HDAC4: variants seen among roughly 807,000 people sequenced by gnomAD.
The protein encoded by HDAC4 is histone deacetylase A.
HDAC4 carries 16 observed loss-of-function variants against 135.1 expected under a neutral mutation model. The observed-to-expected ratio is 0.12, with a 90% confidence interval of 0.08 to 0.18. The LOEUF (loss-of-function observed/expected upper bound fraction) is 0.18, where lower values mean the gene tolerates loss of function less well. HDAC4 is among the 10% of genes least tolerant of loss of function. The pLI, the probability that HDAC4 is intolerant of heterozygous loss-of-function variation, is 1.00. For synonymous variants in HDAC4, 685 were observed against 653.4 expected (o/e 1.05, Z -0.74); for missense variants, 1,143 against 1,511.8 (o/e 0.76, Z 4.05).
chr2:239,218,226 A>G (rs895528648), intron 3 of HDAC4, among the ~76,000 whole-genome samples: 11 of 152,256 alleles, frequency 7.2e-5, no homozygotes, highest in Non-Finnish European at 1.3e-4. Context: ...AGGACTGAAC[A>G]ATCATTATAT....
At chr2:239,353,028 G>C (rs1347220654) in intron 1 of HDAC4, 110 bp from the exon 2 acceptor site, 1 of 364,352 alleles carries the variant, frequency 2.7e-6, no homozygotes, top group Non-Finnish European at 5.3e-6. Context: ...TTTGGAGACA[G>C]AATCTTGCTC....
intron 12 of HDAC4, among the ~76,000 whole-genome samples, chr2:239,117,722 C>G (rs1400472005): frequency 6.6e-6 from 1 of 152,052 alleles, no homozygotes; most frequent in East Asian, 1.9e-4. Context: ...AGTCCCAGAT[C>G]GAGGGGTCTC....
intron 3 of HDAC4, among the ~76,000 whole-genome samples, chr2:239,192,799 T>G (rs1191705867): frequency 6.6e-6 from 1 of 152,210 alleles, no homozygotes; most frequent in Non-Finnish European, 1.5e-5. Context: ...CACAACTTTG[T>G]TCTTCTAAGT....
chr2:239,190,221 T>G, intron 3 of HDAC4, 144 bp from the exon 4 acceptor site: 1 of 1,146,492 alleles, frequency 8.7e-7, no homozygotes, highest in Admixed American at 2.7e-5. Context: ...CCTCTCCCCC[T>G]GTCCCCCTCT....
intron 26 of HDAC4, 104 bp from the exon 27 acceptor site, chr2:239,053,240 G>A (rs755755380): frequency 6.8e-7 from 1 of 1,472,446 alleles, no homozygotes; most frequent in Non-Finnish European, 9.4e-7. Context: ...CCACCCGCCA[G>A]CCTAGCCCTG....
intron 1 of HDAC4, among the ~76,000 whole-genome samples, chr2:239,374,422 G>T (rs1190658999): frequency 6.4e-5 from 2 of 31,462 alleles, no homozygotes; most frequent in Non-Finnish European, 6.4e-5. Flanking sequence ...TTTTTTTTTT[G>T]AGACGGAGTC....
chr2:239,119,028 C>T (rs1575093093), intron 12 of HDAC4, among the ~76,000 whole-genome samples: 2 of 152,142 alleles, frequency 1.3e-5, no homozygotes, highest in South Asian at 2.1e-4. Context: ...GGTGAAGCAG[C>T]GCTGTTTCAC....
intron 3 of HDAC4, among the ~76,000 whole-genome samples, chr2:239,229,867 A>C (rs2047439727): frequency 6.6e-6 from 1 of 152,202 alleles, no homozygotes; most frequent in African/African-American, 2.4e-5. Flanking sequence ...CTTGTAGTTA[A>C]ATCTCTCCTG....
chr2:239,272,948 T>G (rs61165997), intron 2 of HDAC4, among the ~76,000 whole-genome samples: 4,047 of 152,220 alleles, frequency 0.027, 184 homozygotes, highest in African/African-American at 0.093. Context: ...TTGCCCACGA[T>G]GAGCGGCAGA....
At chr2:239,277,771 C>T (rs975514676) in intron 2 of HDAC4, among the ~76,000 whole-genome samples, 4 of 152,234 alleles carry the variant, frequency 2.6e-5, no homozygotes, top group African/African-American at 9.6e-5. Flanking sequence ...CAGAAAACAC[C>T]TGCGTTCCAC....
At chr2:239,192,141 C>T (rs905247347) in intron 3 of HDAC4, among the ~76,000 whole-genome samples, 2 of 152,034 alleles carry the variant, frequency 1.3e-5, no homozygotes, top group African/African-American at 2.4e-5. Flanking sequence ...GTTCAATGTG[C>T]GGAAGCAGGG....
intron 2 of HDAC4, among the ~76,000 whole-genome samples, chr2:239,295,172 T>C (rs2051795256): frequency 6.7e-6 from 1 of 149,904 alleles, no homozygotes; most frequent in South Asian, 2.1e-4. Flanking sequence ...CCAGGCGTAG[T>C]GGCGGGCGCC....
chr2:239,267,436 G>C (rs980563579), intron 2 of HDAC4, among the ~76,000 whole-genome samples: 4 of 152,156 alleles, frequency 2.6e-5, no homozygotes, highest in Admixed American at 2.0e-4. Flanking sequence ...AGTTGCCCAG[G>C]GTCCCCAGAT....
intron 3 of HDAC4, among the ~76,000 whole-genome samples, chr2:239,190,388 C>T (rs540945800): frequency 5.3e-5 from 8 of 152,330 alleles, no homozygotes; most frequent in South Asian, 4.1e-4. Context: ...CAGAGGACCC[C>T]GCTACAGGCC....
intron 2 of HDAC4, among the ~76,000 whole-genome samples, chr2:239,301,366 G>C (rs1156722798): frequency 1.3e-5 from 2 of 152,200 alleles, no homozygotes; most frequent in Non-Finnish European, 2.9e-5. Context: ...AACAGCTCCA[G>C]GGCGAGAGCA....
chr2:239,150,019 G>A (rs899096159), intron 7 of HDAC4, among the ~76,000 whole-genome samples: 8 of 152,174 alleles, frequency 5.3e-5, no homozygotes, highest in Non-Finnish European at 1.2e-4. Context: ...TGGCAAAATG[G>A]TAACCAGAAA....
At chr2:239,291,717 G>T (rs2051508715) in intron 2 of HDAC4, among the ~76,000 whole-genome samples, 1 of 152,164 alleles carries the variant, frequency 6.6e-6, no homozygotes, top group Non-Finnish European at 1.5e-5. Flanking sequence ...GCAGGTCGGG[G>T]GAAGGGCAAT....
At chr2:239,107,767 C>T (rs568852996) in intron 15 of HDAC4, among the ~76,000 whole-genome samples, 7 of 152,246 alleles carry the variant, frequency 4.6e-5, no homozygotes, top group African/African-American at 1.4e-4. Context: ...TTGAGAAGAG[C>T]CTGCTAGGTG....
rs56948342 is a variant in HDAC4, at chr2:239,087,874, G to GC, written c.2389-261dup. ...GCAGTCACTAGGATAACAGGTGGGT[G>GC]CCTGCCCACTCTCAGAACTGTCGGT... On this transcript the variant is annotated intron_variant, in intron 18 of 26. Coordinates refer to ENST00000543185, the MANE Select transcript of HDAC4 (RefSeq NM_001378414.1). 1 allele frequency among the ~76,000 whole-genome samples: 152,256 copies of GC among 152,256 alleles called. 76,128 individuals are homozygous for GC. Among genetic ancestry groups the GC allele is most frequent in the Non-Finnish European group, 1 (68,044 of 68,044 alleles).
Sources: gnomAD v4.1 joint callset for allele counts (sites outside exome capture counted in the v4.1 genomes callset) on GRCh38, gnomAD v4.1.1 for gene constraint, MANE v1.5 for transcripts, NCBI Gene and HGNC (gene_info 2026-07-23, HGNC 2026-07-21) for gene names.